The following PCDH15 variants were observed in gnomAD, a reference collection of about 807,000 sequenced individuals.
PCDH15 encodes protocadherin related 15.
In PCDH15, 129 loss-of-function variants were observed where a neutral mutation model predicts 178.5. The observed-to-expected ratio is 0.72, with a 90% CI of 0.63 to 0.84. PCDH15 has a LOEUF of 0.84. Among genes scored for constraint, PCDH15 ranks in the 40% least tolerant of loss-of-function variants. The pLI is 0.00. For missense variants in PCDH15, 2,230 were observed against 2,099.9 expected (o/e 1.06, Z -1.21); for synonymous variants, 800 against 732.0 (o/e 1.09, Z -1.50).
intron 8 of PCDH15, among the ~76,000 whole-genome samples, chr10:54,254,976 C>A (rs967998396): frequency 1.3e-5 from 2 of 152,176 alleles, no homozygotes; most frequent in African/African-American, 4.8e-5. Context: ...GGATGTACTT[C>A]TTTCACACTA....
At chr10:54,255,957 T>TTG (rs1463338905) in intron 8 of PCDH15, among the ~76,000 whole-genome samples, 1 of 152,144 alleles carries the variant, frequency 6.6e-6, no homozygotes, top group East Asian at 1.9e-4. Flanking sequence ...CAAGAATAAC[T>TTG]TAAACTCCTT....
chr10:55,000,233 C>T (rs2178645), intron 2 of PCDH15, among the ~76,000 whole-genome samples: 111,369 of 152,012 alleles, frequency 0.73, 40,937 homozygotes, highest in East Asian at 0.87. Context: ...CCATAAAAGA[C>T]GGCCACCTGC....
At chr10:54,614,359 A>C (rs2093062961) in intron 2 of PCDH15, among the ~76,000 whole-genome samples, 1 of 152,002 alleles carries the variant, frequency 6.6e-6, no homozygotes, top group South Asian at 2.1e-4. Flanking sequence ...TTTAAAACAA[A>C]TGAGAGAGGT....
intron 3 of PCDH15, among the ~76,000 whole-genome samples, chr10:54,838,859 C>T (rs1050737351): frequency 5.9e-5 from 9 of 152,160 alleles, no homozygotes; most frequent in African/African-American, 2.2e-4. Context: ...AATCTATCCA[C>T]TGACTCAATA....
intron 2 of PCDH15, among the ~76,000 whole-genome samples, chr10:55,554,678 G>A (rs1842057772): frequency 6.6e-6 from 1 of 151,962 alleles, no homozygotes; most frequent in African/African-American, 2.4e-5. Flanking sequence ...CAGTTTATGT[G>A]GATTTGGGTA....
intron 2 of PCDH15, among the ~76,000 whole-genome samples, chr10:54,536,554 G>A (rs867484515): frequency 1.3e-5 from 2 of 151,984 alleles, no homozygotes; most frequent in Non-Finnish European, 2.9e-5. Context: ...TGTTATCTGG[G>A]TATACTGTAA....
rs141071242 is a variant in PCDH15 at position 54,261,051 on chromosome 10, T to C, written c.877-24120A>G. On this transcript the variant is annotated intron_variant, in intron 8 of 37. Transcript: ENST00000644397. Reference sequence around the variant, plus strand: ...TTATATTTCTGCACATATTTTCTATTTAAATACTGACAAGTATTGTGGTCT... The same window carrying C: ...TTATATTTCTGCACATATTTTCTATCTAAATACTGACAAGTATTGTGGTCT... 1.3e-4 allele frequency among the ~76,000 whole-genome samples: 20 copies of C among 152,328 alleles called. No homozygotes were observed. The East Asian group carries it at 3.9e-3, about 29-fold the overall frequency.
chr10:55,226,634 G>A (rs1041374954), intron 1 of PCDH15, among the ~76,000 whole-genome samples: 11 of 151,872 alleles, frequency 7.2e-5, no homozygotes, highest in African/African-American at 2.4e-4. Flanking sequence ...CGCCCGCCTC[G>A]GCCTCCCAAA....
intron 2 of PCDH15, among the ~76,000 whole-genome samples, chr10:55,513,853 C>A (rs1178430263): frequency 6.6e-6 from 1 of 151,988 alleles, no homozygotes; most frequent in African/African-American, 2.4e-5. Context: ...TTTGTAGCCA[C>A]CTTCCTAATC....
intron 2 of PCDH15, among the ~76,000 whole-genome samples, chr10:55,343,917 A>G (rs1391328067): frequency 6.6e-6 from 1 of 152,216 alleles, no homozygotes; most frequent in Non-Finnish European, 1.5e-5. Context: ...ACCACATTTA[A>G]TATGTTAAAT....
intron 2 of PCDH15, among the ~76,000 whole-genome samples, chr10:54,925,660 T>C (rs892299967): frequency 6.6e-6 from 1 of 152,148 alleles, no homozygotes; most frequent in African/African-American, 2.4e-5. Context: ...ATCTTTCACC[T>C]CCCTGGTTAG....
chr10:54,650,239 C>T (rs1332983409), intron 2 of PCDH15, among the ~76,000 whole-genome samples: 1 of 152,090 alleles, frequency 6.6e-6, no homozygotes, highest in Non-Finnish European at 1.5e-5. Context: ...CACAGGACAG[C>T]ATGTGGCTAT....
intron 2 of PCDH15, among the ~76,000 whole-genome samples, chr10:54,641,798 G>A (rs921310727): frequency 2.6e-5 from 4 of 152,022 alleles, no homozygotes; most frequent in East Asian, 1.9e-4. Flanking sequence ...TCACTATAGC[G>A]AGTGATCTGT....
At chr10:55,073,210 A>C (rs1382652040) in intron 2 of PCDH15, among the ~76,000 whole-genome samples, 1 of 151,972 alleles carries the variant, frequency 6.6e-6, no homozygotes, top group African/African-American at 2.4e-5. Flanking sequence ...GCCCTCTCTC[A>C]CCACTCCTAT....
chr10:53,926,473 C>A (rs913727786), intron 25 of PCDH15, among the ~76,000 whole-genome samples: 2 of 152,216 alleles, frequency 1.3e-5, no homozygotes, highest in East Asian at 3.9e-4. Flanking sequence ...TAATTATCAC[C>A]AGGTAGTTCA....
intron 1 of PCDH15, among the ~76,000 whole-genome samples, chr10:55,259,267 T>C (rs1169407665): frequency 6.6e-6 from 1 of 151,934 alleles, no homozygotes; most frequent in Non-Finnish European, 1.5e-5. Flanking sequence ...CATAAACATA[T>C]AAAAGCTACT....
At chr10:55,384,528 T>C (rs1279295255) in intron 2 of PCDH15, among the ~76,000 whole-genome samples, 1 of 151,908 alleles carries the variant, frequency 6.6e-6, no homozygotes, top group African/African-American at 2.4e-5. Flanking sequence ...CATCTGGTTT[T>C]GTTTGTTTGT....
At chr10:54,387,408 A>G (rs1950051335) in intron 3 of PCDH15, among the ~76,000 whole-genome samples, 1 of 152,174 alleles carries the variant, frequency 6.6e-6, no homozygotes, top group South Asian at 2.1e-4. Flanking sequence ...AAAAGAAGGA[A>G]ATTCTGACAC....
At chr10:55,226,305 A>T (rs986591170) in intron 1 of PCDH15, among the ~76,000 whole-genome samples, 1 of 152,124 alleles carries the variant, frequency 6.6e-6, no homozygotes, top group South Asian at 2.1e-4. Context: ...TTAATTCTAT[A>T]GTAATTAATT....
Sources: allele counts gnomAD v4.1 joint callset (sites outside exome capture counted in the v4.1 genomes callset), GRCh38; gene constraint gnomAD v4.1.1; transcripts MANE v1.5; gene names NCBI Gene and HGNC (gene_info 2026-07-23, HGNC 2026-07-21).